PTPN9: variants seen among roughly 807,000 people sequenced by gnomAD.
PTPN9 encodes tyrosine-protein phosphatase non-receptor type 9.
In PTPN9, 26 loss-of-function variants were observed where a neutral mutation model predicts 69.8. The ratio of observed to expected loss-of-function variants is 0.37; its 90% CI spans 0.27 to 0.52. PTPN9 has a LOEUF of 0.52. Ranked by LOEUF, PTPN9 falls within the 20% of genes least tolerant of loss-of-function variation. The pLI is 0.91. For synonymous variants in PTPN9, 274 were observed against 272.5 expected, an observed-to-expected ratio of 1.01 and a Z score of -0.05; for missense variants, 549 against 740.3, an observed-to-expected ratio of 0.74 and a Z score of 3.00.
At chr15:75,549,634 G>A (rs139534293) in intron 1 of PTPN9, among the ~76,000 whole-genome samples, 1 of 152,222 alleles carries the variant, frequency 6.6e-6, no homozygotes, top group African/African-American at 2.4e-5. Context: ...AAGAGTGGTG[G>A]CTCTAACCTA....
At chr15:75,548,989 C>T (rs1422193098) in intron 1 of PTPN9, among the ~76,000 whole-genome samples, 1 of 149,450 alleles carries the variant, frequency 6.7e-6, no homozygotes, top group Non-Finnish European at 1.5e-5. Flanking sequence ...AACAGGGTCT[C>T]CCTCTGTAAC....
intron 8 of PTPN9, among the ~76,000 whole-genome samples, chr15:75,485,833 G>A (rs1272857723): frequency 6.6e-6 from 1 of 150,790 alleles, no homozygotes; most frequent in Admixed American, 6.6e-5. Context: ...GGGCGCAGTG[G>A]CTCACGCCTG....
intron 4 of PTPN9, among the ~76,000 whole-genome samples, chr15:75,521,062 G>A (rs552512567): frequency 6.6e-6 from 1 of 152,222 alleles, no homozygotes; most frequent in East Asian, 1.9e-4. Flanking sequence ...TGTTGCCCAG[G>A]CTGGTCTCGA....
chr15:75,485,432 A>G (rs931363902), intron 8 of PTPN9, among the ~76,000 whole-genome samples: 2 of 136,520 alleles, frequency 1.5e-5, no homozygotes, highest in African/African-American at 5.6e-5. Context: ...GCAGTGGCGC[A>G]ATCTCGGCTC....
intron 1 of PTPN9, among the ~76,000 whole-genome samples, chr15:75,556,324 A>G (rs1363132732): frequency 2.6e-5 from 4 of 151,614 alleles, no homozygotes; most frequent in African/African-American, 9.7e-5. Flanking sequence ...CGGCCTCCCA[A>G]AGTGTTGGGA....
chr15:75,516,303 CTTT>C (rs750940118), intron 5 of PTPN9, among the ~76,000 whole-genome samples: 7 of 132,564 alleles, frequency 5.3e-5, no homozygotes, highest in Non-Finnish European at 6.5e-5. Flanking sequence ...TATGTTTCTT[CTTT>C]TTTTTTTTTT....
At chr15:75,471,686 T>G (rs1318349454) in intron 10 of PTPN9, among the ~76,000 whole-genome samples, 4 of 148,384 alleles carry the variant, frequency 2.7e-5, no homozygotes, top group African/African-American at 1.0e-4. Context: ...GAGGCCAAGG[T>G]GGCGGATCAC....
intron 7 of PTPN9, among the ~76,000 whole-genome samples, chr15:75,502,360 A>G (rs1172592040): frequency 6.6e-6 from 1 of 152,006 alleles, no homozygotes; most frequent in Non-Finnish European, 1.5e-5. Context: ...GGCAGGAAGA[A>G]TCGCTTGAAC....
chr15:75,541,008 G>A (rs1308595089), intron 1 of PTPN9, among the ~76,000 whole-genome samples: 1 of 151,950 alleles, frequency 6.6e-6, no homozygotes, highest in Admixed American at 6.6e-5. Flanking sequence ...GAGCCTAGGA[G>A]GTCCAGGCTG....
chr15:75,549,629 T>C (rs944614880), intron 1 of PTPN9, among the ~76,000 whole-genome samples: 5 of 150,616 alleles, frequency 3.3e-5, no homozygotes, highest in Non-Finnish European at 7.4e-5. Flanking sequence ...AAAAAAAGAG[T>C]GGTGGCTCTA....
chr15:75,473,150 A>T (rs897628366), intron 10 of PTPN9, among the ~76,000 whole-genome samples: 1 of 152,212 alleles, frequency 6.6e-6, no homozygotes, highest in African/African-American at 2.4e-5. Flanking sequence ...GCCAGGGATT[A>T]AAGCTTTAAC....
Position 75,530,522 on chromosome 15 carries a change from A to C in PTPN9, c.64-3261T>G, listed in dbSNP as rs1412733556. Among the ~76,000 whole-genome samples the C allele has an allele frequency of 4.0e-5, 3 of 75,384 alleles. 1 individual carries two copies. Among genetic ancestry groups the C allele is most frequent in the African/African-American group, 6.2e-5 (1 of 16,256 alleles). The allele number at this position is 75,384 out of a possible 152,430, so 49.5% of individuals were successfully genotyped here. ...TTATATTATAATATATTATAATATAATTTATTATATAATATTATTATATTA... is the reference window on the plus strand; with the variant it reads ...TTATATTATAATATATTATAATATACTTTATTATATAATATTATTATATTA... On this transcript the variant is annotated intron_variant, in intron 1 of 12. Transcript: ENST00000618819.
chr15:75,522,702 G>A (rs1455167749), intron 4 of PTPN9, among the ~76,000 whole-genome samples: 2 of 152,072 alleles, frequency 1.3e-5, no homozygotes, highest in South Asian at 4.1e-4. Context: ...ACTGCACCCA[G>A]CCCTCCCCTG....
chr15:75,470,035 A>T (rs2074555843), intron 11 of PTPN9, 36 bp from the exon 12 acceptor site: 1 of 1,552,556 alleles, frequency 6.4e-7, no homozygotes, highest in Non-Finnish European at 8.9e-7. Flanking sequence ...TAACAAGGTT[A>T]TTTCTGCCTG....
Position 75,468,469 on chromosome 15 carries a change from T to A in PTPN9, c.*300A>T, listed in dbSNP as rs2074546811. On this transcript the variant is annotated 3_prime_UTR_variant, in exon 13 of 13. Transcript: ENST00000618819. ...GGGAGAAAGGAGGAGGGAGGTTCCT[T>A]CCCCACTTACCTCGGGGACCCTAGC... is the stretch of plus-strand genomic sequence containing the variant. 1 of 248,580 alleles carries A rather than the reference T, an allele frequency of 4.0e-6. No individual in the cohort carries two copies. The highest frequency in any genetic ancestry group is 2.2e-5 in the African/African-American group (1 of 45,838). The allele number at this position is 248,580 out of a possible 1,614,324, so 15.4% of individuals were successfully genotyped here.
At chr15:75,496,422 A>G (rs2074741893) in intron 7 of PTPN9, among the ~76,000 whole-genome samples, 1 of 152,098 alleles carries the variant, frequency 6.6e-6, no homozygotes, top group African/African-American at 2.4e-5. Flanking sequence ...TTGGAAGAGT[A>G]GTCAAAATGA....
At chr15:75,565,435 A>G (rs1004996949) in intron 1 of PTPN9, among the ~76,000 whole-genome samples, 7 of 152,146 alleles carry the variant, frequency 4.6e-5, no homozygotes, top group Admixed American at 1.3e-4. Flanking sequence ...CAACTCTGGC[A>G]CTACTGACAT....
intron 7 of PTPN9, among the ~76,000 whole-genome samples, chr15:75,503,518 G>C (rs1345220303): frequency 6.9e-6 from 1 of 145,416 alleles, no homozygotes; most frequent in Non-Finnish European, 1.5e-5. Context: ...GTCTCCGCCC[G>C]GCAGCCGCCC....
chr15:75,531,291 A>C (rs2074963020), intron 1 of PTPN9, among the ~76,000 whole-genome samples: 1 of 152,142 alleles, frequency 6.6e-6, no homozygotes, highest in South Asian at 2.1e-4. Flanking sequence ...AAGTGCATGA[A>C]AAGAGCCAAG....
Sources: allele counts gnomAD v4.1 joint callset (sites outside exome capture counted in the v4.1 genomes callset), GRCh38; gene constraint gnomAD v4.1.1; transcripts MANE v1.5; gene names NCBI Gene and HGNC (gene_info 2026-07-23, HGNC 2026-07-21).